BTC: variants seen among roughly 807,000 people sequenced by gnomAD.
The protein encoded by BTC is probetacellulin.
A neutral mutation model predicts 18.1 loss-of-function variants in BTC; 13 were observed. The ratio of observed to expected loss-of-function variants is 0.72; its 90% confidence interval spans 0.47 to 1.14. BTC has a LOEUF of 1.14. BTC is among the 50% of genes most tolerant of loss of function. BTC has a pLI of 0.00. For synonymous variants in BTC, 83 were observed against 79.4 expected (o/e 1.05, Z -0.24); for missense variants, 247 against 224.2 (o/e 1.10, Z -0.65).
At chr4:74,760,037 T>G (rs143345007) in intron 2 of BTC, among the ~76,000 whole-genome samples, 3 of 152,374 alleles carry the variant, frequency 2.0e-5, no homozygotes, top group Admixed American at 2.0e-4. Context: ...GTATCTTTCA[T>G]AAAACCTTTG....
At chr4:74,793,862 G>A (rs916830362) in intron 1 of BTC, among the ~76,000 whole-genome samples, 24 of 152,120 alleles carry the variant, frequency 1.6e-4, no homozygotes, top group African/African-American at 5.5e-4. Context: ...TCTTTAGTGG[G>A]TTTCCCTGCT....
At chr4:74,786,789 C>T (rs1376192307) in intron 1 of BTC, among the ~76,000 whole-genome samples, 1 of 151,942 alleles carries the variant, frequency 6.6e-6, no homozygotes, top group Non-Finnish European at 1.5e-5. Context: ...ATGTAGCAGT[C>T]TGAATCCTCA....
intron 2 of BTC, among the ~76,000 whole-genome samples, chr4:74,767,650 G>T (rs543898647): frequency 6.6e-6 from 1 of 151,934 alleles, no homozygotes; most frequent in Non-Finnish European, 1.5e-5. Context: ...TGGAGGTATC[G>T]TTCTTCCTGG....
At chr4:74,751,831 G>A (rs559009541) in intron 3 of BTC, among the ~76,000 whole-genome samples, 1 of 152,164 alleles carries the variant, frequency 6.6e-6, no homozygotes, top group South Asian at 2.1e-4. Context: ...TTAATATTAG[G>A]GAAATAGTAA....
At chr4:74,766,997 C>T (rs1724917900) in intron 2 of BTC, among the ~76,000 whole-genome samples, 2 of 152,004 alleles carry the variant, frequency 1.3e-5, no homozygotes, top group African/African-American at 4.8e-5. Context: ...AAAGCTTTTC[C>T]TCCAAGATCA....
At chr4:74,772,177 G>T (rs1725060937) in intron 1 of BTC, among the ~76,000 whole-genome samples, 1 of 152,110 alleles carries the variant, frequency 6.6e-6, no homozygotes, top group Non-Finnish European at 1.5e-5. Context: ...ATTTCCTTAA[G>T]TCAACATTTT....
chr4:74,759,212 A>G (rs1280615683), intron 2 of BTC, among the ~76,000 whole-genome samples: 1 of 152,144 alleles, frequency 6.6e-6, no homozygotes, highest in Non-Finnish European at 1.5e-5. Context: ...ATTTATCAAG[A>G]AGAAGGAAAA....
intron 5 of BTC, among the ~76,000 whole-genome samples, chr4:74,747,181 T>C (rs1553955584): frequency 6.6e-6 from 1 of 152,192 alleles, no homozygotes; most frequent in Admixed American, 6.5e-5. Flanking sequence ...TCCTGCTTTG[T>C]TGTGCTAGTT....
chr4:74,747,634 C>A (rs1430423786), intron 5 of BTC, among the ~76,000 whole-genome samples: 1 of 152,178 alleles, frequency 6.6e-6, no homozygotes, highest in African/African-American at 2.4e-5. Flanking sequence ...GATTCCTGAA[C>A]AATCCTTACT....
At chr4:74,746,968 C>A (rs2109873650) in intron 5 of BTC, among the ~76,000 whole-genome samples, 1 of 152,164 alleles carries the variant, frequency 6.6e-6, no homozygotes, top group African/African-American at 2.4e-5. Context: ...TTTCTTAGGA[C>A]CTAAGAGGAA....
chr4:74,769,661 G>T (rs1212674485), intron 2 of BTC, among the ~76,000 whole-genome samples: 2 of 152,106 alleles, frequency 1.3e-5, no homozygotes, highest in East Asian at 3.9e-4. Flanking sequence ...AAGAAAAAAA[G>T]AATTTAACTT....
chr4:74,761,647 C>T (rs1724760485), intron 2 of BTC, among the ~76,000 whole-genome samples: 2 of 152,148 alleles, frequency 1.3e-5, no homozygotes, highest in Admixed American at 6.5e-5. Flanking sequence ...TTGGAATTAT[C>T]TTGACTTATT....
At chr4:74,770,243 T>C (rs1461383604) in intron 1 of BTC, 87 bp from the exon 2 acceptor site, 10 of 1,051,504 alleles carry the variant, frequency 9.5e-6, no homozygotes, top group African/African-American at 1.6e-5. Context: ...ATTTCACCCA[T>C]TTATGAAAAT....
chr4:74,754,085 G>A (rs1553956473), intron 3 of BTC, among the ~76,000 whole-genome samples: 1 of 152,150 alleles, frequency 6.6e-6, no homozygotes, highest in East Asian at 1.9e-4. Flanking sequence ...ACTGGCAAAA[G>A]CAAAATCTTA....
At chr4:74,781,415 G>GTGTGTGTGTA (rs539200922) in intron 1 of BTC, among the ~76,000 whole-genome samples, 2 of 151,016 alleles carry the variant, frequency 1.3e-5, no homozygotes, top group Admixed American at 6.6e-5. Context: ...GTGTGTGTGT[G>GTGTGTGTGTA]TGGCTTCAGT....
At chr4:74,767,043 A>G (rs946057018) in intron 2 of BTC, among the ~76,000 whole-genome samples, 1 of 152,064 alleles carries the variant, frequency 6.6e-6, no homozygotes, top group Non-Finnish European at 1.5e-5. Context: ...AACCGCTTCT[A>G]TGCAACATAG....
chr4:74,784,315 C>T (rs1725419626), intron 1 of BTC, among the ~76,000 whole-genome samples: 1 of 151,500 alleles, frequency 6.6e-6, no homozygotes, highest in Non-Finnish European at 1.5e-5. Flanking sequence ...AGTTGCTTAT[C>T]AGCTTAATAA....
At chr4:74,770,181 A>G in intron 1 of BTC, 25 bp from the exon 2 acceptor site, 1 of 1,561,422 alleles carries the variant, frequency 6.4e-7, no homozygotes, top group South Asian at 1.2e-5. Flanking sequence ...CAGAACCAAA[A>G]TCAAACATGA....
chr4:74,770,060 G>C lies in BTC; in HGVS notation c.161C>G (p.Ala54Gly). 2 of 1,604,428 alleles carry C rather than the reference G, an allele frequency of 1.2e-6. No homozygotes were observed. Among genetic ancestry groups the C allele is most frequent in the Non-Finnish European group, 1.7e-6 (2 of 1,176,486 alleles). Residue 54 changes from alanine to glycine, a missense_variant and splice_region_variant, in exon 2 of 6, where the codon GCA (alanine) becomes GGA (glycine). Coordinates refer to ENST00000395743, the MANE Select transcript of BTC (RefSeq NM_001729.4). The stretch of plus-strand genomic sequence containing the variant: ...ATATAAAACTTGTTAAACTTTACCT[G>C]CACAGTTTTCCTCAGGGTCTCCACA... The part of the protein sequence containing the change: ...LLCGDPEENC[A>G]ATTTQSKRKG...
Sources: gnomAD v4.1 joint callset for allele counts (sites outside exome capture counted in the v4.1 genomes callset) on GRCh38, gnomAD v4.1.1 for gene constraint, MANE v1.5 for transcripts, NCBI Gene and HGNC (gene_info 2026-07-23, HGNC 2026-07-21) for gene names.